PTPRD: variants seen among roughly 807,000 people sequenced by gnomAD.
PTPRD encodes protein tyrosine phosphatase receptor type D.
PTPRD carries 34 observed loss-of-function variants against 214.5 expected under a neutral mutation model. That is an observed-to-expected ratio of 0.16 (90% CI 0.12 to 0.21). The LOEUF is 0.21. PTPRD is among the 10% of genes least tolerant of loss of function. PTPRD has a pLI of 1.00. For missense variants in PTPRD, 2,545 were observed against 2,398.7 expected, an observed-to-expected ratio of 1.06 and a Z score of -1.27; for synonymous variants, 1,128 against 845.7, an observed-to-expected ratio of 1.33 and a Z score of -5.79.
chr9:10,361,292 T>C (rs144122969), intron 2 of PTPRD, among the ~76,000 whole-genome samples: 2 of 152,196 alleles, frequency 1.3e-5, no homozygotes, highest in Admixed American at 1.3e-4. Context: ...TCTTGAAATC[T>C]TCACTGTATA....
chr9:9,219,285 C>T (rs575427271), intron 9 of PTPRD, among the ~76,000 whole-genome samples: 46 of 152,120 alleles, frequency 3.0e-4, no homozygotes. Context: ...TGACATAGTA[C>T]AATTGATTTT....
intron 11 of PTPRD, among the ~76,000 whole-genome samples, chr9:8,864,920 G>C (rs1057331805): frequency 1.3e-5 from 2 of 152,140 alleles, no homozygotes; most frequent in Non-Finnish European, 2.9e-5. Flanking sequence ...TCTTACACTT[G>C]TATTAAAAAC....
In PTPRD at chr9:10,060,860, C is replaced by T. The variant is rs381294; in HGVS notation, c.-544-27070G>A. 2.5e-3 allele frequency among the ~76,000 whole-genome samples: 261 copies of T among 106,506 alleles called. 40 individuals carry two copies. The highest frequency in any genetic ancestry group is 0.024 in the African/African-American group (235 of 9,788). 69.9% of individuals were successfully genotyped at this position (106,506 alleles called of 152,430 possible). A position where few individuals can be genotyped will look rare whatever the true frequency, so the allele number is the denominator to read the frequency against. ...CCTTCCTTCCTTTCCTTTCTTTCTT[C>T]CTTCCTTCTTTCCTTCCTTCCTTCC... is the stretch of plus-strand genomic sequence containing the variant. On this transcript the variant is annotated intron_variant, in intron 3 of 45. Coordinates refer to ENST00000381196, the MANE Select transcript of PTPRD (RefSeq NM_002839.4).
intron 3 of PTPRD, among the ~76,000 whole-genome samples, chr9:10,279,183 T>C (rs1008954189): frequency 1.3e-5 from 2 of 151,256 alleles, no homozygotes; most frequent in African/African-American, 4.9e-5. Flanking sequence ...CTCTTGTCAG[T>C]AGTAAGAACA....
At chr9:10,167,450 T>A (rs1262421454) in intron 3 of PTPRD, among the ~76,000 whole-genome samples, 1 of 152,158 alleles carries the variant, frequency 6.6e-6, no homozygotes, top group Non-Finnish European at 1.5e-5. Context: ...TAAAAACCCA[T>A]ATATGTATTA....
chr9:8,774,688 C>G (rs2095396438), intron 11 of PTPRD, among the ~76,000 whole-genome samples: 1 of 151,944 alleles, frequency 6.6e-6, no homozygotes, highest in Non-Finnish European at 1.5e-5. Flanking sequence ...GCATGCGCCA[C>G]CACACCTGGC....
intron 5 of PTPRD, among the ~76,000 whole-genome samples, chr9:9,862,734 G>A (rs973583024): frequency 2.0e-5 from 3 of 147,434 alleles, no homozygotes; most frequent in Non-Finnish European, 3.0e-5. Context: ...GGGGGCGGGG[G>A]GGGGAGTAGT....
intron 5 of PTPRD, among the ~76,000 whole-genome samples, chr9:9,914,547 T>C (rs1274746476): frequency 6.6e-6 from 1 of 152,194 alleles, no homozygotes; most frequent in Non-Finnish European, 1.5e-5. Flanking sequence ...CCTTGCAGAT[T>C]GCCCTTAGAA....
chr9:9,724,949 C>T (rs1174198135), intron 7 of PTPRD, among the ~76,000 whole-genome samples: 2 of 152,078 alleles, frequency 1.3e-5, no homozygotes, highest in African/African-American at 4.8e-5. Flanking sequence ...CACTACCTGG[C>T]TTTGGGAGAC....
rs531811695 is a variant in PTPRD, at chr9:9,420,790, A to T, written c.-236-23308T>A. Among the ~76,000 whole-genome samples the T allele has an allele frequency of 1.1e-3, 160 of 151,824 alleles. 1 individual carries two copies. The highest frequency in any genetic ancestry group is 3.7e-3 in the African/African-American group (153 of 41,524). ...GATGCCCATGATCGATTAAATTATT[A>T]AAAAACAGTATATCAAGTCACCAAA... On this transcript the variant is annotated intron_variant, in intron 8 of 45. Transcript: ENST00000381196.
chr9:9,410,827 T>C (rs2141889335), intron 8 of PTPRD, among the ~76,000 whole-genome samples: 1 of 152,276 alleles, frequency 6.6e-6, no homozygotes, highest in South Asian at 2.1e-4. Context: ...CATGCTTTCC[T>C]GCATACACAT....
intron 3 of PTPRD, among the ~76,000 whole-genome samples, chr9:10,133,202 C>A (rs560437075): frequency 1.4e-4 from 21 of 152,164 alleles, no homozygotes; most frequent in African/African-American, 4.8e-4. Flanking sequence ...AGATCACTAA[C>A]GGTGCTGAAG....
chr9:10,168,180 T>G (rs2099170878), intron 3 of PTPRD, among the ~76,000 whole-genome samples: 1 of 152,226 alleles, frequency 6.6e-6, no homozygotes, highest in Non-Finnish European at 1.5e-5. Flanking sequence ...ATTGTAGTTG[T>G]CACAATAAAT....
chr9:8,700,233 G>A (rs1313489385), intron 12 of PTPRD, among the ~76,000 whole-genome samples: 2 of 152,120 alleles, frequency 1.3e-5, no homozygotes, highest in Admixed American at 6.5e-5. Flanking sequence ...TTTCATTTAA[G>A]AAACTATGCT....
chr9:9,923,121 G>GATGT (rs1555340153), intron 5 of PTPRD, among the ~76,000 whole-genome samples: 1 of 45,342 alleles, frequency 2.2e-5, no homozygotes, highest in South Asian at 6.9e-4. Flanking sequence ...GTGTGTGTGG[G>GATGT]GGGTGTGTGT....
Position 8,504,315 on chromosome 9 carries a change from G to A in PTPRD, c.1768C>T (p.Pro590Ser), listed in dbSNP as rs774444064. ...LYYFRLAARS[P>S]QGLGASTAEI... is the part of the protein sequence containing the mutation. Reference sequence around the variant, plus strand: ...GCAGTAGAAGCACCCAGGCCTTGAGGGGAGCGTGCAGCCAGACGGAAATAG... The same window carrying A: ...GCAGTAGAAGCACCCAGGCCTTGAGAGGAGCGTGCAGCCAGACGGAAATAG... Residue 590 changes from proline (P) to serine (S), a missense_variant, in exon 23 of 46, where the codon CCT (proline) becomes TCT (serine). Coordinates refer to ENST00000381196, the MANE Select transcript of PTPRD (RefSeq NM_002839.4). The A allele has an allele frequency of 6.2e-7, 1 of 1,614,172 alleles. No individual in the cohort carries two copies. The highest frequency in any genetic ancestry group is 1.1e-5 in the South Asian group (1 of 91,086).
At chr9:9,134,058 CTTTTT>C (rs928663989) in intron 10 of PTPRD, among the ~76,000 whole-genome samples, 2 of 75,422 alleles carry the variant, frequency 2.7e-5, no homozygotes, top group African/African-American at 5.5e-5. Flanking sequence ...TAGAATCATT[CTTTTT>C]TTTTTTTTTT....
intron 10 of PTPRD, among the ~76,000 whole-genome samples, chr9:9,143,729 A>G (rs531456095): frequency 6.6e-6 from 1 of 152,242 alleles, no homozygotes. Flanking sequence ...CATTTTGAAT[A>G]AACAGTTGAC....
rs1822207891 is a variant in PTPRD at position 8,316,890 on chromosome 9, G to A, written c.*984C>T. 8.9e-6 allele frequency: 2 copies of A among 225,436 alleles called. No individual in the cohort carries two copies. The allele number at this position is 225,436 out of a possible 1,614,324, so 14.0% of individuals were successfully genotyped here. On this transcript the variant is annotated 3_prime_UTR_variant, in exon 46 of 46. Coordinates refer to ENST00000381196, the MANE Select transcript of PTPRD (RefSeq NM_002839.4). ...CGTTTAAAAAAACTAAATCATGGAAGAACTGACTGACTGATAACTGTATCT... is the reference window on the plus strand; with the variant it reads ...CGTTTAAAAAAACTAAATCATGGAAAAACTGACTGACTGATAACTGTATCT...
Sources: gnomAD v4.1 joint callset for allele counts (sites outside exome capture counted in the v4.1 genomes callset) on GRCh38, gnomAD v4.1.1 for gene constraint, MANE v1.5 for transcripts, NCBI Gene and HGNC (gene_info 2026-07-23, HGNC 2026-07-21) for gene names.